Variants in METTL21A observed in about 807,000 individuals in gnomAD.
METTL21A encodes the protein methyltransferase 21A, HSPA lysine.
METTL21A carries 22 observed loss-of-function variants against 20.9 expected under a neutral mutation model. That is an observed-to-expected ratio of 1.05 (90% CI 0.75 to 1.50). The LOEUF is 1.50. METTL21A is among the 40% of genes most tolerant of loss of function. The pLI is 0.00. For synonymous variants in METTL21A, 93 were observed against 102.0 expected (o/e 0.91, Z 0.53); for missense variants, 271 against 266.8 (o/e 1.02, Z -0.11).
At chr2:207,581,895 G>C (rs1199063349) in exon 4 of METTL21A, 2 of 702,908 alleles carry the variant, frequency 2.8e-6, no homozygotes, top group Admixed American at 2.0e-5. Context: ...TTGAAGAGTA[G>C]TGATCTGTTT....
At chr2:207,606,846 G>A (rs958575520), downstream of METTL21A, among the ~76,000 whole-genome samples, 10 of 152,126 alleles carry the variant, frequency 6.6e-5, no homozygotes, top group African/African-American at 2.4e-4. Context: ...GGCAGTAAAT[G>A]CTTCCCATAA....
downstream of METTL21A, among the ~76,000 whole-genome samples, chr2:207,608,477 A>G (rs2088465764): frequency 6.6e-6 from 1 of 152,108 alleles, no homozygotes; most frequent in African/African-American, 2.4e-5. Flanking sequence ...AGCTGCCTTC[A>G]AATTTTTCTG....
At chr2:207,604,862 G>A (rs1342727136), downstream of METTL21A, among the ~76,000 whole-genome samples, 1 of 152,178 alleles carries the variant, frequency 6.6e-6, no homozygotes, top group East Asian at 1.9e-4. Flanking sequence ...TAGCTTTAAT[G>A]TGTTGTTGAG....
chr2:207,613,329 C>A (rs1385324558), exon 4 of METTL21A: 4 of 1,614,086 alleles, frequency 2.5e-6, no homozygotes. Flanking sequence ...ATTTTGTCCC[C>A]AAGTCAGCTC....
intron 3 of METTL21A, among the ~76,000 whole-genome samples, chr2:207,616,797 G>A (rs976779013): frequency 1.3e-5 from 2 of 151,852 alleles, no homozygotes; most frequent in African/African-American, 4.8e-5. Flanking sequence ...AGTGAAGATC[G>A]CCCTACTGCA....
exon 4 of METTL21A, chr2:207,612,992 TCTAAGAC>T: frequency 6.7e-7 from 1 of 1,486,514 alleles, no homozygotes; most frequent in Non-Finnish European, 9.0e-7. Context: ...AGATTTGCAG[TCTAAGAC>T]CTTAAGTGAC....
intron 3 of METTL21A, chr2:207,582,906 CAAACA>C (rs1353128758): frequency 4.6e-5 from 13 of 282,976 alleles, no homozygotes; most frequent in East Asian, 1.4e-4. Flanking sequence ...AACAAACAAA[CAAACA>C]AAAAAAAATA....
intron 3 of METTL21A, chr2:207,620,482 T>TAAAATAAAATAAAATAAAATAAAAC (rs2090362500): frequency 6.5e-6 from 1 of 153,588 alleles, no homozygotes; most frequent in African/African-American, 2.4e-5. Flanking sequence ...TAAAATAAAA[T>TAAAATAAAATAAAATAAAATAAAAC]AAAACAACTA....
At chr2:207,620,656 G>A in intron 3 of METTL21A, 1 of 1,534,982 alleles carries the variant, frequency 6.5e-7, no homozygotes, top group Non-Finnish European at 8.7e-7. Flanking sequence ...AAGAATAAAA[G>A]GCAGTGTACC....
At chr2:207,602,683 T>C (rs1407046371) in intron 3 of METTL21A, 2 of 210,260 alleles carry the variant, frequency 9.5e-6, no homozygotes, top group Non-Finnish European at 1.9e-5. Flanking sequence ...TTTTTAAAAT[T>C]GGTAAATGCT....
At chr2:207,624,389 C>A (rs758520283) in exon 2 of METTL21A, 1 of 1,610,916 alleles carries the variant, frequency 6.2e-7, no homozygotes. Flanking sequence ...GCCTGCACCC[C>A]GCCCTCTGCT....
intron 3 of METTL21A, among the ~76,000 whole-genome samples, chr2:207,616,347 T>C (rs1445981137): frequency 6.6e-6 from 1 of 152,264 alleles, no homozygotes; most frequent in Non-Finnish European, 1.5e-5. Flanking sequence ...AAAGGCCTTC[T>C]CTAATGCCTG....
At chr2:207,598,407 T>G (rs922711379) in intron 3 of METTL21A, 2 of 182,584 alleles carry the variant, frequency 1.1e-5, no homozygotes, top group Admixed American at 6.3e-5. Context: ...TATTTGTGTA[T>G]ATCATACATT....
intron 3 of METTL21A, among the ~76,000 whole-genome samples, chr2:207,591,775 C>A: frequency 6.6e-6 from 1 of 152,112 alleles, no homozygotes; most frequent in Non-Finnish European, 1.5e-5. Context: ...CTTCTCCATC[C>A]TTTTTCTTCT....
At chr2:207,615,237 C>T (rs1169823595) in intron 3 of METTL21A, among the ~76,000 whole-genome samples, 25 of 151,990 alleles carry the variant, frequency 1.6e-4, no homozygotes, top group African/African-American at 2.4e-5. Flanking sequence ...TTTGGGAGGT[C>T]GAGGCAGGAG....
intron 3 of METTL21A, among the ~76,000 whole-genome samples, chr2:207,614,601 T>C (rs2089441933): frequency 6.6e-6 from 1 of 152,210 alleles, no homozygotes; most frequent in Admixed American, 6.5e-5. Flanking sequence ...TAAAAATTAC[T>C]TAATTTTATT....
intron 3 of METTL21A, chr2:207,603,431 CTG>C (rs769961472): frequency 8.2e-4 from 185 of 224,792 alleles, no homozygotes; most frequent in African/African-American, 1.8e-3. Flanking sequence ...TTTAAAAACT[CTG>C]TAAGTCTCTT....
chr2:207,590,089 T>TG (rs1012772586), intron 3 of METTL21A, among the ~76,000 whole-genome samples: 11 of 137,046 alleles, frequency 8.0e-5, no homozygotes, highest in East Asian at 2.0e-4. Context: ...AGAAGTTTTT[T>TG]TTTTTTTTTT....
At chr2:207,583,488 A>C (rs2083297289) in intron 3 of METTL21A, among the ~76,000 whole-genome samples, 1 of 152,214 alleles carries the variant, frequency 6.6e-6, no homozygotes, top group South Asian at 2.1e-4. Context: ...GTTACAGTGC[A>C]GTATTTATAT....
Sources: allele counts gnomAD v4.1 joint callset (sites outside exome capture counted in the v4.1 genomes callset), GRCh38; gene constraint gnomAD v4.1.1; transcripts MANE v1.5; gene names NCBI Gene and HGNC (gene_info 2026-07-23, HGNC 2026-07-21).